ROBO1: variants seen among roughly 807,000 people sequenced by gnomAD.
ROBO1 encodes the protein roundabout homolog 1.
Under a neutral mutation model 195.9 loss-of-function variants are expected in ROBO1, and 149 were observed. That is an observed-to-expected ratio of 0.76 (90% CI 0.67 to 0.87). The LOEUF (loss-of-function observed/expected upper bound fraction) is 0.87. ROBO1 is among the 40% of genes least tolerant of loss of function. The probability of loss-of-function intolerance (pLI) is 0.00; values close to 1 mark genes in which losing one functional copy is unlikely to be tolerated. For missense variants in ROBO1, 1,933 were observed against 2,068.3 expected (o/e 0.93, Z 1.27); for synonymous variants, 816 against 733.2 (o/e 1.11, Z -1.82).
chr3:79,067,024 G>C (rs2079014048), intron 3 of ROBO1, among the ~76,000 whole-genome samples: 3 of 151,800 alleles, frequency 2.0e-5, no homozygotes, highest in African/African-American at 7.3e-5. Context: ...GAGCTGACTA[G>C]ATACCATTAA....
intron 2 of ROBO1, among the ~76,000 whole-genome samples, chr3:79,579,541 T>A (rs1943594478): frequency 6.6e-6 from 1 of 152,156 alleles, no homozygotes; most frequent in South Asian, 2.1e-4. Context: ...CAATGAGAGA[T>A]TGGTCCGACT....
intron 4 of ROBO1, among the ~76,000 whole-genome samples, chr3:78,856,302 A>G (rs1190661105): frequency 1.3e-5 from 2 of 151,710 alleles, no homozygotes; most frequent in East Asian, 3.9e-4. Context: ...AGAAAAAAAA[A>G]AAAAAACAGT....
chr3:79,547,184 CAAAAAAAA>C (rs1162585941), intron 2 of ROBO1, among the ~76,000 whole-genome samples: 96 of 23,258 alleles, frequency 4.1e-3, no homozygotes, highest in African/African-American at 0.013. Context: ...GACTCCGCCT[CAAAAAAAA>C]AAAAAAAAAA....
At chr3:79,650,540 AT>A (rs35867508) in intron 1 of ROBO1, among the ~76,000 whole-genome samples, 1 of 151,688 alleles carries the variant, frequency 6.6e-6, no homozygotes, top group Non-Finnish European at 1.5e-5. Flanking sequence ...ATTCTTAGAT[AT>A]TTTTCCAGTA....
intron 2 of ROBO1, among the ~76,000 whole-genome samples, chr3:79,522,336 T>A (rs1941244938): frequency 6.6e-6 from 1 of 151,960 alleles, no homozygotes; most frequent in Admixed American, 6.6e-5. Context: ...GTTACTTTTT[T>A]TTTTTTTTTT....
chr3:79,208,166 C>T (rs763633670), intron 2 of ROBO1, among the ~76,000 whole-genome samples: 25 of 152,034 alleles, frequency 1.6e-4, no homozygotes, highest in Non-Finnish European at 3.2e-4. Context: ...TTGCCTGTGC[C>T]ATCTCTCAGC....
At chr3:79,492,042 G>A (rs186495085) in intron 2 of ROBO1, among the ~76,000 whole-genome samples, 161 of 152,210 alleles carry the variant, frequency 1.1e-3, no homozygotes, top group African/African-American at 3.7e-3. Context: ...GTTTTCACAA[G>A]AGACAGGCTC....
intron 4 of ROBO1, among the ~76,000 whole-genome samples, chr3:78,753,589 A>G (rs1281097778): frequency 6.6e-6 from 1 of 152,080 alleles, no homozygotes; most frequent in Non-Finnish European, 1.5e-5. Flanking sequence ...ATAGGTATAC[A>G]TGTGCCATGG....
intron 3 of ROBO1, among the ~76,000 whole-genome samples, chr3:79,119,273 G>A (rs1028172368): frequency 6.6e-6 from 1 of 152,128 alleles, no homozygotes; most frequent in African/African-American, 2.4e-5. Flanking sequence ...ACTTTTTAAT[G>A]CTCAAATCCA....
intron 4 of ROBO1, among the ~76,000 whole-genome samples, chr3:78,857,947 T>C (rs1446996922): frequency 2.6e-5 from 4 of 152,196 alleles, no homozygotes; most frequent in African/African-American, 7.2e-5. Flanking sequence ...TTACCAAATC[T>C]TACAATGCCT....
intron 3 of ROBO1, among the ~76,000 whole-genome samples, chr3:79,087,768 T>C (rs1385135422): frequency 6.6e-6 from 1 of 152,086 alleles, no homozygotes; most frequent in Non-Finnish European, 1.5e-5. Flanking sequence ...AAAAGTCTTT[T>C]GTTGGAGAAA....
At chr3:79,509,617 T>C (rs1940594289) in intron 2 of ROBO1, among the ~76,000 whole-genome samples, 1 of 152,148 alleles carries the variant, frequency 6.6e-6, no homozygotes, top group African/African-American at 2.4e-5. Flanking sequence ...TTTATCTTCC[T>C]TATATATATT....
chr3:78,735,018 T>C (rs2082363026), intron 5 of ROBO1, among the ~76,000 whole-genome samples: 3 of 152,194 alleles, frequency 2.0e-5, no homozygotes, highest in Admixed American at 2.0e-4. Flanking sequence ...CCCATAAAGG[T>C]ATATATCTTA....
chr3:78,612,392 C>T (rs1011612692), intron 28 of ROBO1, among the ~76,000 whole-genome samples: 2 of 152,036 alleles, frequency 1.3e-5, no homozygotes, highest in African/African-American at 4.8e-5. Context: ...ATAAATTGTA[C>T]CAATTGTGTC....
At chr3:79,642,060 A>G (rs1464646162) in intron 1 of ROBO1, among the ~76,000 whole-genome samples, 3 of 152,202 alleles carry the variant, frequency 2.0e-5, no homozygotes, top group South Asian at 2.1e-4. Flanking sequence ...ATAAAGAAAC[A>G]TTTAACAAAG....
intron 2 of ROBO1, among the ~76,000 whole-genome samples, chr3:79,192,989 C>T (rs568471281): frequency 7.4e-4 from 113 of 151,710 alleles, no homozygotes; most frequent in Non-Finnish European, 1.4e-3. Flanking sequence ...TCAAAATACA[C>T]ATGGTTACAT....
chr3:79,422,172 T>C (rs1181572029), intron 2 of ROBO1, among the ~76,000 whole-genome samples: 1 of 148,398 alleles, frequency 6.7e-6, no homozygotes, highest in Non-Finnish European at 1.5e-5. Context: ...ACATATCTTA[T>C]GTATTATATA....
chr3:79,702,033 T>C (rs1259319942), intron 1 of ROBO1, among the ~76,000 whole-genome samples: 1 of 151,314 alleles, frequency 6.6e-6, no homozygotes, highest in Non-Finnish European at 1.5e-5. Context: ...ACCACTGCTG[T>C]TGGCATGGTA....
chr3:79,282,428 T>G (rs1038461528), intron 2 of ROBO1, among the ~76,000 whole-genome samples: 4 of 152,182 alleles, frequency 2.6e-5, no homozygotes, highest in Non-Finnish European at 4.4e-5. Flanking sequence ...GGGGCTTTCA[T>G]GATGGGAAAC....
Sources: allele counts gnomAD v4.1 joint callset (sites outside exome capture counted in the v4.1 genomes callset), GRCh38; gene constraint gnomAD v4.1.1; transcripts MANE v1.5; gene names NCBI Gene and HGNC (gene_info 2026-07-23, HGNC 2026-07-21).